TCF7L1: variants seen among roughly 807,000 people sequenced by gnomAD.
TCF7L1 encodes the protein transcription factor 7 like 1, also known as transcription factor 7-like 1.
In TCF7L1, 18 loss-of-function variants were observed where a neutral mutation model predicts 63.7. The observed-to-expected ratio is 0.28, with a 90% confidence interval of 0.20 to 0.42. The LOEUF is 0.42. TCF7L1 is among the 10% of genes least tolerant of loss of function. The pLI, the probability that TCF7L1 is intolerant of heterozygous loss-of-function variation, is 1.00. For missense variants in TCF7L1, 654 were observed against 779.3 expected, an observed-to-expected ratio of 0.84 and a Z score of 1.91; for synonymous variants, 355 against 340.9, an observed-to-expected ratio of 1.04 and a Z score of -0.46.
At position 85,198,001 on chromosome 2, in the gene TCF7L1, CAG is replaced by C. The variant is rs1363588652; in HGVS notation, c.441+63552_441+63553del. Among the ~76,000 whole-genome samples, 4 of 152,298 alleles carry C rather than the reference CAG, an allele frequency of 2.6e-5. No individual in the cohort carries two copies. In the East Asian group the frequency reaches 7.7e-4, roughly 29 times the overall value. On this transcript the variant is annotated intron_variant, in intron 3 of 11. Coordinates refer to ENST00000282111, the MANE Select transcript of TCF7L1 (RefSeq NM_031283.3). ...TGTCTGGGCCATGTGAGGCTGTCTG[CAG>C]GACTCCTCAGAAAGGTTCAGGACTC...
chr2:85,309,566 ACTGTTCTG>A lies in TCF7L1; in HGVS notation c.*105_*112del. The A allele has an allele frequency of 1.6e-6, 2 of 1,248,434 alleles. No homozygotes were observed. Among genetic ancestry groups the A allele is most frequent in the Non-Finnish European group, 2.2e-6 (2 of 927,354 alleles). 77.3% of individuals were successfully genotyped at this position (1,248,434 alleles called of 1,614,324 possible). A position where few individuals can be genotyped will look rare whatever the true frequency, so the allele number is the denominator to read the frequency against. On this transcript the variant is annotated 3_prime_UTR_variant, in exon 12 of 12. Coordinates refer to ENST00000282111, the MANE Select transcript of TCF7L1 (RefSeq NM_031283.3). ...ATTGGTCAATATTTGACCACTCTGG[ACTGTTCTG>A]TAAAGTGGCTGGTAACAACAGCACT...
chr2:85,281,079 A>G (rs1037977091), intron 3 of TCF7L1, among the ~76,000 whole-genome samples: 4 of 142,026 alleles, frequency 2.8e-5, no homozygotes, highest in African/African-American at 5.3e-5. Flanking sequence ...GCTGGAGTGC[A>G]GTGGTGTGAT....
At chr2:85,220,233 A>G (rs1464983124) in intron 3 of TCF7L1, among the ~76,000 whole-genome samples, 1 of 152,098 alleles carries the variant, frequency 6.6e-6, no homozygotes, top group East Asian at 1.9e-4. Context: ...TACTTGAGCT[A>G]TATCAATAAC....
intron 3 of TCF7L1, among the ~76,000 whole-genome samples, chr2:85,237,925 T>A (rs948010370): frequency 6.6e-6 from 1 of 151,698 alleles, no homozygotes; most frequent in African/African-American, 2.4e-5. Flanking sequence ...AAGCAAAGTG[T>A]GAGCGGACAA....
At chr2:85,272,661 G>A (rs1275316437) in intron 3 of TCF7L1, among the ~76,000 whole-genome samples, 1 of 152,118 alleles carries the variant, frequency 6.6e-6, no homozygotes, top group Non-Finnish European at 1.5e-5. Context: ...CGGGTGGTGT[G>A]GTGCTTGCCT....
At position 85,284,454 on chromosome 2, in the gene TCF7L1, C is replaced by G. The variant is rs147178042; in HGVS notation, c.525+876C>G. ...GGAGGGTCTGGACAATCCTGGGAGACAGGAGCAGTGGATCCAAGCAGTACC... is the reference window on the plus strand; with the variant it reads ...GGAGGGTCTGGACAATCCTGGGAGAGAGGAGCAGTGGATCCAAGCAGTACC... On this transcript the variant is annotated intron_variant, in intron 4 of 11. Coordinates refer to ENST00000282111, the MANE Select transcript of TCF7L1 (RefSeq NM_031283.3). Among the ~76,000 whole-genome samples, 642 of 152,332 alleles carry G rather than the reference C, an allele frequency of 4.2e-3. 4 individuals are homozygous for G. The highest frequency in any genetic ancestry group is 0.014 in the African/African-American group (601 of 41,578).
chr2:85,257,260 T>G (rs1396639970), intron 3 of TCF7L1, among the ~76,000 whole-genome samples: 1 of 152,070 alleles, frequency 6.6e-6, no homozygotes, highest in African/African-American at 2.4e-5. Flanking sequence ...TGCTTATGTA[T>G]ACATATTACA....
chr2:85,158,806 G>A (rs1678213353), intron 3 of TCF7L1, among the ~76,000 whole-genome samples: 1 of 152,234 alleles, frequency 6.6e-6, no homozygotes, highest in African/African-American at 2.4e-5. Flanking sequence ...CTTTGGAGGT[G>A]GTCCAGGCCC....
intron 3 of TCF7L1, among the ~76,000 whole-genome samples, chr2:85,157,168 G>A (rs1315206424): frequency 1.4e-4 from 21 of 152,198 alleles, no homozygotes; most frequent in Admixed American, 1.2e-3. Flanking sequence ...TATAGTTGAG[G>A]AAACTGAGGC....
intron 4 of TCF7L1, among the ~76,000 whole-genome samples, chr2:85,298,597 A>AACACCTGAG (rs1249756907): frequency 6.6e-6 from 1 of 152,088 alleles, no homozygotes; most frequent in Non-Finnish European, 1.5e-5. Context: ...ATAGACGGGA[A>AACACCTGAG]ACACCTGAGC....
chr2:85,167,333 C>T (rs1226504714), intron 3 of TCF7L1: 1 of 151,956 alleles, frequency 6.6e-6, no homozygotes, highest in Non-Finnish European at 1.5e-5. Flanking sequence ...TATAGAGGTT[C>T]TTCAAAAAAC....
intron 3 of TCF7L1, among the ~76,000 whole-genome samples, chr2:85,265,588 G>T (rs1680948945): frequency 6.6e-6 from 1 of 152,152 alleles, no homozygotes; most frequent in African/African-American, 2.4e-5. Context: ...GCACTTACTG[G>T]CCCCAGCGTA....
At chr2:85,215,767 T>TG (rs1380022989) in intron 3 of TCF7L1, among the ~76,000 whole-genome samples, 369 of 15,290 alleles carry the variant, frequency 0.024, 2 homozygotes, top group South Asian at 0.049. Context: ...GGGGTGGGGG[T>TG]GGGGGGGGGT....
intron 3 of TCF7L1, among the ~76,000 whole-genome samples, chr2:85,226,989 C>G (rs1679971014): frequency 6.6e-6 from 1 of 152,046 alleles, no homozygotes; most frequent in Non-Finnish European, 1.5e-5. Context: ...GCCGTTTTAC[C>G]CTGTGACCCT....
Position 85,206,325 on chromosome 2 carries a change from G to C in TCF7L1, c.441+71875G>C, listed in dbSNP as rs952322569. On this transcript the variant is annotated intron_variant, in intron 3 of 11. Coordinates refer to ENST00000282111, the MANE Select transcript of TCF7L1 (RefSeq NM_031283.3). ...CGCTCTGCAGTCACTCTGTGGGGCT[G>C]TTTGACCACAAAATGTGTCACTGGG... 2.6e-5 allele frequency among the ~76,000 whole-genome samples: 4 copies of C among 152,248 alleles called. No homozygotes were observed. The South Asian group carries it at 6.2e-4, about 24-fold the overall frequency.
At chr2:85,238,297 C>T (rs1473627484) in intron 3 of TCF7L1, among the ~76,000 whole-genome samples, 1 of 152,054 alleles carries the variant, frequency 6.6e-6, no homozygotes, top group Non-Finnish European at 1.5e-5. Flanking sequence ...GGGCAGGCAG[C>T]GGGAGGCGGG....
intron 3 of TCF7L1, among the ~76,000 whole-genome samples, chr2:85,243,673 G>C (rs1680392509): frequency 6.6e-6 from 1 of 152,220 alleles, no homozygotes; most frequent in South Asian, 2.1e-4. Flanking sequence ...GGCAGCCCCA[G>C]GCATGGGTCT....
intron 3 of TCF7L1, among the ~76,000 whole-genome samples, chr2:85,257,355 G>A (rs1173675481): frequency 1.3e-5 from 2 of 152,174 alleles, no homozygotes; most frequent in Non-Finnish European, 2.9e-5. Flanking sequence ...GTCCAGCACA[G>A]CTGCAGGGAG....
chr2:85,222,041 G>C (rs1255337895), intron 3 of TCF7L1, among the ~76,000 whole-genome samples: 2 of 152,014 alleles, frequency 1.3e-5, no homozygotes, highest in Admixed American at 1.3e-4. Flanking sequence ...AGATTAAAAG[G>C]CTATAAAAGA....
Sources: gnomAD v4.1 joint callset for allele counts (sites outside exome capture counted in the v4.1 genomes callset) on GRCh38, gnomAD v4.1.1 for gene constraint, MANE v1.5 for transcripts, NCBI Gene and HGNC (gene_info 2026-07-23, HGNC 2026-07-21) for gene names.